The following ERBB4 variants were observed in gnomAD, a reference collection of about 807,000 sequenced individuals.
The protein encoded by ERBB4 is receptor tyrosine-protein kinase erbB-4.
ERBB4 carries 42 observed loss-of-function variants against 158.0 expected under a neutral mutation model. That is an observed-to-expected ratio of 0.27 (90% confidence interval 0.21 to 0.34). ERBB4 has a LOEUF of 0.34. Ranked by LOEUF, ERBB4 falls within the 10% of genes least tolerant of loss-of-function variation. The pLI is 1.00. For synonymous variants in ERBB4, 583 were observed against 558.7 expected, an observed-to-expected ratio of 1.04 and a Z score of -0.61; for missense variants, 1,333 against 1,624.1, an observed-to-expected ratio of 0.82 and a Z score of 3.08.
intron 5 of ERBB4, among the ~76,000 whole-genome samples, chr2:211,744,231 C>T (rs2074890868): frequency 6.6e-6 from 1 of 152,084 alleles, no homozygotes; most frequent in African/African-American, 2.4e-5. Context: ...ATTTAACGTG[C>T]AATCAAGCTA....
At chr2:212,146,802 G>C (rs896867261) in intron 1 of ERBB4, among the ~76,000 whole-genome samples, 1 of 152,030 alleles carries the variant, frequency 6.6e-6, no homozygotes, top group Non-Finnish European at 1.5e-5. Flanking sequence ...AATTGATTTG[G>C]AAAGGCAGTA....
At chr2:211,885,525 G>A (rs1395047213) in intron 3 of ERBB4, among the ~76,000 whole-genome samples, 2 of 151,534 alleles carry the variant, frequency 1.3e-5, no homozygotes, top group East Asian at 1.9e-4. Context: ...GCATGATCTC[G>A]GCTCACTGCA....
intron 1 of ERBB4, among the ~76,000 whole-genome samples, chr2:212,439,585 T>G (rs1030425438): frequency 2.6e-5 from 4 of 152,210 alleles, no homozygotes; most frequent in Non-Finnish European, 5.9e-5. Context: ...TGTTCTCTAT[T>G]GTTGAAATGC....
At chr2:211,950,031 C>G (rs141071673) in intron 2 of ERBB4, among the ~76,000 whole-genome samples, 1 of 152,054 alleles carries the variant, frequency 6.6e-6, no homozygotes, top group African/African-American at 2.4e-5. Context: ...AGTATCACTC[C>G]GGCCCTTCTC....
At chr2:212,424,107 A>C (rs1215738623) in intron 1 of ERBB4, among the ~76,000 whole-genome samples, 1 of 152,086 alleles carries the variant, frequency 6.6e-6, no homozygotes, top group African/African-American at 2.4e-5. Flanking sequence ...TTTATCTTAG[A>C]ATTCATTTTG....
intron 16 of ERBB4, among the ~76,000 whole-genome samples, chr2:211,652,010 T>G (rs1288004108): frequency 6.6e-6 from 1 of 151,502 alleles, no homozygotes; most frequent in African/African-American, 2.4e-5. Flanking sequence ...CTCAGTGAGT[T>G]TGAGTATAAT....
intron 1 of ERBB4, among the ~76,000 whole-genome samples, chr2:212,446,632 TA>T (rs2106002288): frequency 1.1e-5 from 1 of 94,560 alleles, no homozygotes; most frequent in East Asian, 3.5e-4. Context: ...TATATATATA[TA>T]TATATCCTAT....
At chr2:212,045,765 T>C (rs912910791) in intron 2 of ERBB4, among the ~76,000 whole-genome samples, 1 of 152,220 alleles carries the variant, frequency 6.6e-6, no homozygotes, top group African/African-American at 2.4e-5. Context: ...GAATAGCTTT[T>C]ACAATCAAAG....
At chr2:211,731,552 A>G (rs2074427872) in intron 5 of ERBB4, among the ~76,000 whole-genome samples, 1 of 152,262 alleles carries the variant, frequency 6.6e-6, no homozygotes, top group African/African-American at 2.4e-5. Flanking sequence ...ATTTGTCAGT[A>G]TTTTAAAAGA....
chr2:212,385,026 G>A (rs564309564), intron 1 of ERBB4, among the ~76,000 whole-genome samples: 16 of 150,730 alleles, frequency 1.1e-4, no homozygotes, highest in African/African-American at 1.7e-4. Flanking sequence ...AAAAAGAATC[G>A]TTTGTGTAGC....
intron 1 of ERBB4, among the ~76,000 whole-genome samples, chr2:212,200,521 C>T (rs1424618345): frequency 2.6e-5 from 4 of 152,082 alleles, no homozygotes; most frequent in East Asian, 3.9e-4. Context: ...ATAGTATTTA[C>T]ATCATAGATT....
At position 211,772,906 on chromosome 2, in the gene ERBB4, TATACAC is replaced by T. The variant is rs1237273980; in HGVS notation, c.556+15113_556+15118del. Reference sequence around the variant, plus strand: ...ATATACACACACACACACATATATATATACACACACACACACACATATATATATATA... The same window carrying T: ...ATATACACACACACACACATATATATACACACACACACATATATATATATA... On this transcript the variant is annotated intron_variant, in intron 4 of 27. Transcript: ENST00000342788. Among the ~76,000 whole-genome samples, 69 of 49,920 alleles carry T rather than the reference TATACAC, an allele frequency of 1.4e-3. 1 individual carries two copies. The highest frequency in any genetic ancestry group is 2.4e-3 in the Non-Finnish European group (57 of 23,724). The allele number at this position is 49,920 out of a possible 152,430, so 32.7% of individuals were successfully genotyped here.
At chr2:211,559,098 C>G (rs1258044972) in intron 20 of ERBB4, among the ~76,000 whole-genome samples, 1 of 152,104 alleles carries the variant, frequency 6.6e-6, no homozygotes, top group African/African-American at 2.4e-5. Context: ...TGTTCATCCC[C>G]CATCCTTCAC....
intron 3 of ERBB4, among the ~76,000 whole-genome samples, chr2:211,814,637 C>CA (rs989807806): frequency 1.9e-4 from 28 of 145,912 alleles, no homozygotes; most frequent in East Asian, 7.9e-4. Context: ...AAGTCACTAC[C>CA]AAAAAAAAAA....
intron 5 of ERBB4, among the ~76,000 whole-genome samples, chr2:211,736,729 G>T (rs1174230404): frequency 6.6e-6 from 1 of 152,068 alleles, no homozygotes; most frequent in East Asian, 1.9e-4. Flanking sequence ...CATTCTCAGA[G>T]GTTTGTGCTT....
chr2:212,048,823 A>G (rs1169324517), intron 2 of ERBB4, among the ~76,000 whole-genome samples: 12 of 152,186 alleles, frequency 7.9e-5, no homozygotes, highest in Admixed American at 7.2e-4. Flanking sequence ...ACTGGATGAG[A>G]TCATTTAAGA....
intron 20 of ERBB4, among the ~76,000 whole-genome samples, chr2:211,471,180 T>A (rs2064818641): frequency 6.6e-6 from 1 of 151,944 alleles, no homozygotes; most frequent in Admixed American, 6.6e-5. Flanking sequence ...GATGAGACAA[T>A]GAGGCTGAGA....
intron 1 of ERBB4, among the ~76,000 whole-genome samples, chr2:212,235,287 T>C (rs1033980328): frequency 6.6e-6 from 1 of 152,150 alleles, no homozygotes; most frequent in Non-Finnish European, 1.5e-5. Flanking sequence ...GATGATTGTA[T>C]ATGTGTGGCA....
chr2:211,448,069 T>A (rs1217565848), intron 20 of ERBB4, among the ~76,000 whole-genome samples: 2 of 152,036 alleles, frequency 1.3e-5, no homozygotes, highest in Non-Finnish European at 2.9e-5. Context: ...GCCTCCTAGG[T>A]TCAAGTGATT....
Sources: gnomAD v4.1 joint callset for allele counts (sites outside exome capture counted in the v4.1 genomes callset) on GRCh38, gnomAD v4.1.1 for gene constraint, MANE v1.5 for transcripts, NCBI Gene and HGNC (gene_info 2026-07-23, HGNC 2026-07-21) for gene names.